DNAJC13: variants seen among roughly 807,000 people sequenced by gnomAD.
DNAJC13 encodes DnaJ heat shock protein family (Hsp40) member C13.
A neutral mutation model predicts 290.5 loss-of-function variants in DNAJC13; 75 were observed. That is an observed-to-expected ratio of 0.26 (90% CI 0.21 to 0.31). DNAJC13 has a LOEUF of 0.31. Ranked by LOEUF, DNAJC13 falls within the 10% of genes least tolerant of loss-of-function variation. The probability of loss-of-function intolerance (pLI) is 1.00; values close to 1 mark genes in which losing one functional copy is unlikely to be tolerated. For synonymous variants in DNAJC13, 862 were observed against 892.0 expected (o/e 0.97, Z 0.60); for missense variants, 2,260 against 2,674.5 (o/e 0.85, Z 3.42).
chr3:132,496,814 A>C (rs989145273), intron 36 of DNAJC13, 151 bp downstream of exon 36: 7 of 805,114 alleles, frequency 8.7e-6, no homozygotes, highest in Non-Finnish European at 1.2e-5. Context: ...ATAAAGGAAA[A>C]TGTAGTTTTC....
At chr3:132,521,256 A>G (rs11924792) in intron 48 of DNAJC13, among the ~76,000 whole-genome samples, 1 of 151,846 alleles carries the variant, frequency 6.6e-6, no homozygotes, top group African/African-American at 2.4e-5. Flanking sequence ...CAAAAAAAAA[A>G]GGTTAGAAGT....
chr3:132,433,703 TTAGG>T (rs1236274369), intron 1 of DNAJC13, among the ~76,000 whole-genome samples: 1 of 152,212 alleles, frequency 6.6e-6, no homozygotes, highest in African/African-American at 2.4e-5. Context: ...GAAAATGTGT[TTAGG>T]TATCCATTGT....
intron 28 of DNAJC13, 75 bp from the exon 29 acceptor site, chr3:132,484,513 G>A: frequency 7.3e-7 from 1 of 1,362,662 alleles, no homozygotes. Flanking sequence ...TTCATGCCTA[G>A]TAGAATGTCG....
At chr3:132,508,822 A>G (rs1935678439) in intron 43 of DNAJC13, among the ~76,000 whole-genome samples, 1 of 152,264 alleles carries the variant, frequency 6.6e-6, no homozygotes, top group Admixed American at 6.5e-5. Flanking sequence ...ATGGAAGAAC[A>G]AAGCCTATAT....
At chr3:132,532,912 A>AATTATTATTATTATT (rs78689169) in intron 55 of DNAJC13, among the ~76,000 whole-genome samples, 6,380 of 141,772 alleles carry the variant, frequency 0.045, 465 homozygotes, top group African/African-American at 0.15. Flanking sequence ...TAATTTTTGT[A>AATTATTATTATTATT]ATTATTATTA....
intron 20 of DNAJC13, among the ~76,000 whole-genome samples, chr3:132,470,877 G>A (rs1236373052): frequency 4.4e-5 from 6 of 135,440 alleles, no homozygotes; most frequent in Admixed American, 1.4e-4. Flanking sequence ...CAGGGCGGCC[G>A]GCCGGGCGGG....
chr3:132,524,599 A>G (rs1416738069), intron 51 of DNAJC13, among the ~76,000 whole-genome samples: 4 of 152,252 alleles, frequency 2.6e-5, no homozygotes, highest in Non-Finnish European at 4.4e-5. Flanking sequence ...TTAGTAAAAC[A>G]TATTTTTAAA....
At chr3:132,490,798 T>C in intron 31 of DNAJC13, 99 bp from the exon 32 acceptor site, 1 of 1,228,760 alleles carries the variant, frequency 8.1e-7, no homozygotes, top group Non-Finnish European at 1.1e-6. Context: ...CCAATTGTGT[T>C]CTTTTCTTAA....
chr3:132,463,731 G>A lies in DNAJC13; in HGVS notation c.1806G>A (p.Glu602=), dbSNP rs764984637. The change falls in exon 17 of 56, where the codon GAG becomes GAA. Residue 602 remains glutamate, a synonymous_variant. Transcript: ENST00000260818. The part of the protein sequence containing the change: ...GDKEIATKMQ[E]LALSEGALPR... ...AAGAAATTGCTACAAAAATGCAGGA[G>A]CTTGCCCTAAGTGAAGGTGCCTTAC... is the stretch of plus-strand genomic sequence containing the variant. The A allele has an allele frequency of 1.2e-6, 2 of 1,613,312 alleles. No homozygotes were observed. Among genetic ancestry groups the A allele is most frequent in the Non-Finnish European group, 1.7e-6 (2 of 1,179,456 alleles).
At chr3:132,506,094 T>C (rs936471097) in intron 42 of DNAJC13, among the ~76,000 whole-genome samples, 8 of 145,452 alleles carry the variant, frequency 5.5e-5, no homozygotes, top group Non-Finnish European at 1.1e-4. Context: ...TCTTGTTGGC[T>C]CAGGCTGGAG....
In DNAJC13 at chr3:132,533,311, C is replaced by T. The variant is rs1332509422; in HGVS notation, c.6625+2214C>T. 2.7e-5 allele frequency among the ~76,000 whole-genome samples: 4 copies of T among 147,246 alleles called. No homozygotes were observed. The East Asian group carries it at 6.1e-4, about 23-fold the overall frequency. On this transcript the variant is annotated intron_variant, in intron 55 of 55. Coordinates refer to ENST00000260818, the MANE Select transcript of DNAJC13 (RefSeq NM_015268.4). ...CTTCCCAAAGCATTGGGATTACAGG[C>T]GTGAGCCAGCATGCCCGCCCTCTTT...
intron 34 of DNAJC13, 152 bp downstream of exon 34, chr3:132,494,411 G>T: frequency 1.5e-6 from 1 of 656,936 alleles, no homozygotes; most frequent in South Asian, 1.9e-5. Context: ...CTATATCTGT[G>T]TGACTTTCAT....
At chr3:132,516,208 A>G (rs573689176) in intron 46 of DNAJC13, among the ~76,000 whole-genome samples, 19 of 152,256 alleles carry the variant, frequency 1.2e-4, no homozygotes, top group Admixed American at 5.2e-4. Context: ...CAACTATACC[A>G]CTTATTAGCT....
Position 132,446,500 on chromosome 3 carries a change from A to T in DNAJC13, c.94A>T (p.Thr32Ser). Residue 32 changes from threonine (T) to serine (S), a missense_variant, in exon 3 of 56, where the codon ACT (threonine) becomes TCT (serine). Coordinates refer to ENST00000260818, the MANE Select transcript of DNAJC13 (RefSeq NM_015268.4). ...GKYKRVFSVG[T>S]HAITTYNPNT... ...GTATAAGCGTGTCTTTTCAGTTGGAACTCATGCGATTACTACATATAATCC... is the reference window on the plus strand; with the variant it reads ...GTATAAGCGTGTCTTTTCAGTTGGATCTCATGCGATTACTACATATAATCC... 1.2e-6 allele frequency: 2 copies of T among 1,608,694 alleles called. No individual in the cohort carries two copies. Among genetic ancestry groups the T allele is most frequent in the Non-Finnish European group, 1.7e-6 (2 of 1,178,144 alleles).
chr3:132,511,205 G>A lies in DNAJC13; in HGVS notation c.5254G>A (p.Ala1752Thr), dbSNP rs760831686. 4 of 1,613,774 alleles carry A rather than the reference G, an allele frequency of 2.5e-6. No individual in the cohort carries two copies. The highest frequency in any genetic ancestry group is 3.4e-6 in the Non-Finnish European group (4 of 1,179,890). Residue 1752 changes from alanine (A) to threonine (T), a missense_variant, in exon 44 of 56, where the codon GCT (alanine) becomes ACT (threonine). Ala to Thr is a moderately conservative substitution (Grantham distance 58). Transcript: ENST00000260818. ...HGDRLPRVEM[A>T]LEALRNVIKY... ...AGATCGCTTACCGAGAGTAGAAATG[G>A]CTTTGGAGGCTCTGAGAAATGTCAT...
chr3:132,526,507 T>TAC (rs1170739008), intron 53 of DNAJC13, among the ~76,000 whole-genome samples: 1 of 152,148 alleles, frequency 6.6e-6, no homozygotes, highest in Non-Finnish European at 1.5e-5. Context: ...TGTGTATATA[T>TAC]ACACACACAC....
In DNAJC13 at chr3:132,521,357, G is replaced by A. The variant is rs80195563; in HGVS notation, c.5674-1471G>A. ...AAGCCCAGGAGTTCGAGGTTGCAGAGTGAGACCCTGTCCAAAAAAACAATA... is the reference window on the plus strand; with the variant it reads ...AAGCCCAGGAGTTCGAGGTTGCAGAATGAGACCCTGTCCAAAAAAACAATA... On this transcript the variant is annotated intron_variant, in intron 48 of 55. Transcript: ENST00000260818. 4.2e-3 allele frequency among the ~76,000 whole-genome samples: 647 copies of A among 152,326 alleles called. 3 individuals carry two copies. Among genetic ancestry groups the A allele is most frequent in the African/African-American group, 0.015 (608 of 41,576 alleles).
chr3:132,428,202 G>C (rs1045032318), intron 1 of DNAJC13, among the ~76,000 whole-genome samples: 1 of 152,078 alleles, frequency 6.6e-6, no homozygotes, highest in Admixed American at 6.6e-5. Flanking sequence ...ATACATAGTT[G>C]GTACATTTTC....
At chr3:132,433,764 T>C (rs1246606999) in intron 1 of DNAJC13, among the ~76,000 whole-genome samples, 5 of 152,342 alleles carry the variant, frequency 3.3e-5, no homozygotes, top group Middle Eastern at 3.4e-3. Flanking sequence ...CTTTATTTAT[T>C]TGACATTTTA....
Sources: gnomAD v4.1 joint callset for allele counts (sites outside exome capture counted in the v4.1 genomes callset) on GRCh38, gnomAD v4.1.1 for gene constraint, MANE v1.5 for transcripts, NCBI Gene and HGNC (gene_info 2026-07-23, HGNC 2026-07-21) for gene names.